Variants in TMEM132D observed in about 807,000 individuals in gnomAD.
TMEM132D encodes the protein mature OL transmembrane protein.
A neutral mutation model predicts 62.3 loss-of-function variants in TMEM132D; 21 were observed. The ratio of observed to expected loss-of-function variants is 0.34; its 90% CI spans 0.24 to 0.49. TMEM132D has a LOEUF of 0.49. Ranked by LOEUF, TMEM132D falls within the 20% of genes least tolerant of loss-of-function variation. The pLI is 0.99. For missense variants in TMEM132D, 1,346 were observed against 1,402.8 expected, an observed-to-expected ratio of 0.96 and a Z score of 0.65; for synonymous variants, 621 against 575.6, an observed-to-expected ratio of 1.08 and a Z score of -1.13.
At chr12:129,559,534 C>T (rs1010755413) in intron 2 of TMEM132D, among the ~76,000 whole-genome samples, 3 of 152,166 alleles carry the variant, frequency 2.0e-5, no homozygotes, top group African/African-American at 7.2e-5. Flanking sequence ...GTCTTACGCA[C>T]ATGTAATATT....
chr12:129,756,066 T>C (rs1237934959), intron 1 of TMEM132D, among the ~76,000 whole-genome samples: 2 of 152,152 alleles, frequency 1.3e-5, no homozygotes, highest in Non-Finnish European at 2.9e-5. Flanking sequence ...ATAGGAGGTC[T>C]CTAAGCTGGT....
At chr12:129,147,283 C>CAT (rs1315271273) in intron 5 of TMEM132D, among the ~76,000 whole-genome samples, 1 of 146,566 alleles carries the variant, frequency 6.8e-6, no homozygotes, top group Non-Finnish European at 1.5e-5. Context: ...TATATATATA[C>CAT]ATGTGCATAT....
intron 2 of TMEM132D, among the ~76,000 whole-genome samples, chr12:129,618,066 A>G (rs1593091288): frequency 6.6e-6 from 1 of 152,300 alleles, no homozygotes; most frequent in East Asian, 1.9e-4. Context: ...GGGCAGTGTT[A>G]TGAGGACCAG....
intron 1 of TMEM132D, among the ~76,000 whole-genome samples, chr12:129,775,252 A>T (rs1410292955): frequency 6.6e-6 from 1 of 151,974 alleles, no homozygotes; most frequent in African/African-American, 2.4e-5. Context: ...TATCCATGCC[A>T]CTCCTGATTT....
chr12:129,794,839 A>G (rs1056397373), intron 1 of TMEM132D, among the ~76,000 whole-genome samples: 8 of 152,166 alleles, frequency 5.3e-5, no homozygotes, highest in African/African-American at 1.9e-4. Flanking sequence ...CTATAAAGAG[A>G]ATCATATCAC....
rs779809076 is a variant in TMEM132D, at chr12:129,584,092, T to C, written c.969-52887A>G. 2.6e-5 allele frequency among the ~76,000 whole-genome samples: 4 copies of C among 152,164 alleles called. No individual in the cohort carries two copies. The East Asian group carries it at 7.7e-4, about 29-fold the overall frequency. ...TGTAGTAATAGAAAGAAAAGGCTAATAAATAGTTGGTCACAATTCATTCCT... is the reference window on the plus strand; with the variant it reads ...TGTAGTAATAGAAAGAAAAGGCTAACAAATAGTTGGTCACAATTCATTCCT... On this transcript the variant is annotated intron_variant, in intron 2 of 8. Coordinates refer to ENST00000422113, the MANE Select transcript of TMEM132D (RefSeq NM_133448.3).
chr12:129,122,744 C>T (rs1370846281), intron 5 of TMEM132D, among the ~76,000 whole-genome samples: 2 of 152,136 alleles, frequency 1.3e-5, no homozygotes, highest in East Asian at 1.9e-4. Flanking sequence ...AATAAATGTA[C>T]CCTACATTTT....
chr12:129,586,582 C>G (rs975191816), intron 2 of TMEM132D, among the ~76,000 whole-genome samples: 5 of 152,166 alleles, frequency 3.3e-5, no homozygotes, highest in African/African-American at 4.8e-5. Flanking sequence ...ATTGAATGCT[C>G]ATGTGGCAAG....
intron 2 of TMEM132D, among the ~76,000 whole-genome samples, chr12:129,636,772 AAG>A (rs1424178445): frequency 1.1e-4 from 13 of 118,660 alleles, no homozygotes; most frequent in African/African-American, 4.1e-4. Flanking sequence ...GAGAGAAAGA[AAG>A]AGATATCAAT....
At chr12:129,273,026 T>A (rs1880897113) in intron 4 of TMEM132D, among the ~76,000 whole-genome samples, 3 of 151,742 alleles carry the variant, frequency 2.0e-5, no homozygotes, top group Admixed American at 2.0e-4. Context: ...TGAAACCCTG[T>A]CTCTACTAAA....
chr12:129,776,510 G>A (rs1422068109), intron 1 of TMEM132D, among the ~76,000 whole-genome samples: 1 of 152,032 alleles, frequency 6.6e-6, no homozygotes, highest in Non-Finnish European at 1.5e-5. Context: ...TCAGGGACCA[G>A]TGGTTGACTA....
Position 129,827,315 on chromosome 12 carries a change from C to T in TMEM132D, c.79+75946G>A, listed in dbSNP as rs1042327109. 1.3e-5 allele frequency among the ~76,000 whole-genome samples: 2 copies of T among 152,130 alleles called. No individual in the cohort carries two copies. Among genetic ancestry groups the T allele is most frequent in the Non-Finnish European group, 2.9e-5 (2 of 68,022 alleles). ...AATTTGCCCAACAGCACCCAGTTAA[C>T]AAAGGGTCCTCTCCAGTTTCTAAGC... On this transcript the variant is annotated intron_variant, in intron 1 of 8. Coordinates refer to ENST00000422113, the MANE Select transcript of TMEM132D (RefSeq NM_133448.3). This position sits in a 1 kb window ranked among gnomAD's most constrained non-coding sequence, Gnocchi z 9.7.
intron 1 of TMEM132D, among the ~76,000 whole-genome samples, chr12:129,813,881 G>T: frequency 6.6e-6 from 1 of 152,010 alleles, no homozygotes; most frequent in East Asian, 1.9e-4. Flanking sequence ...GCAAGAACGT[G>T]TTTATCTAAA....
intron 5 of TMEM132D, among the ~76,000 whole-genome samples, chr12:129,139,383 G>A (rs1214021924): frequency 2.0e-5 from 3 of 152,188 alleles, no homozygotes; most frequent in Non-Finnish European, 4.4e-5. Context: ...TTGAAATGAC[G>A]GCCTAACCAA....
intron 3 of TMEM132D, among the ~76,000 whole-genome samples, chr12:129,397,448 G>A (rs7970058): frequency 0.08 from 12,114 of 152,072 alleles, 1,133 homozygotes; most frequent in African/African-American, 0.24. Flanking sequence ...GACGAACACC[G>A]TAAAACTACA....
chr12:129,312,956 T>C (rs1358852110), intron 4 of TMEM132D, among the ~76,000 whole-genome samples: 1 of 152,198 alleles, frequency 6.6e-6, no homozygotes, highest in African/African-American at 2.4e-5. Context: ...ACTGAATTCA[T>C]GTCTGAGAAC....
chr12:129,584,089 TAATA>T (rs747501791), intron 2 of TMEM132D, among the ~76,000 whole-genome samples: 8 of 152,190 alleles, frequency 5.3e-5, no homozygotes, highest in Non-Finnish European at 8.8e-5. Flanking sequence ...AAGAAAAGGC[TAATA>T]AATAGTTGGT....
At chr12:129,455,587 G>A (rs1274025938) in intron 3 of TMEM132D, among the ~76,000 whole-genome samples, 1 of 152,190 alleles carries the variant, frequency 6.6e-6, no homozygotes, top group East Asian at 1.9e-4. Flanking sequence ...CTTCTAAGGA[G>A]GGCACCATTT....
intron 1 of TMEM132D, among the ~76,000 whole-genome samples, chr12:129,718,189 G>A (rs1868662793): frequency 1.3e-5 from 2 of 152,160 alleles, no homozygotes; most frequent in African/African-American, 4.8e-5. Context: ...AGCCCAAACT[G>A]GGTCCTGTGT....
Sources: gnomAD v4.1 joint callset for allele counts (sites outside exome capture counted in the v4.1 genomes callset) on GRCh38, gnomAD v4.1.1 for gene constraint, Gnocchi (gnomAD v3.1) non-coding constraint, MANE v1.5 for transcripts, NCBI Gene and HGNC (gene_info 2026-07-23, HGNC 2026-07-21) for gene names.